The following C9orf78 variants were observed in gnomAD, a reference collection of about 807,000 sequenced individuals.
The protein encoded by C9orf78 is splicing factor C9orf78.
In C9orf78, 19 loss-of-function variants were observed where a neutral mutation model predicts 37.4. The observed-to-expected ratio is 0.51, with a 90% CI of 0.35 to 0.74. The LOEUF (loss-of-function observed/expected upper bound fraction) is 0.74, where lower values mean the gene tolerates loss of function less well. Among genes scored for constraint, C9orf78 ranks in the 30% least tolerant of loss-of-function variants. The pLI is 0.01. For missense variants in C9orf78, 291 were observed against 370.8 expected (o/e 0.78, Z 1.77); for synonymous variants, 130 against 128.0 (o/e 1.02, Z -0.10).
chr9:129,829,652 G>A, intron 6 of C9orf78, 111 bp from the exon 7 acceptor site: 1 of 883,432 alleles, frequency 1.1e-6, no homozygotes, highest in East Asian at 2.4e-5. Context: ...TGTGTCCTGG[G>A]GCACAGCTCT....
chr9:129,834,554 T>C (rs1420108361), intron 2 of C9orf78, 153 bp downstream of exon 2: 1 of 649,722 alleles, frequency 1.5e-6, no homozygotes, highest in African/African-American at 1.8e-5. Flanking sequence ...GTTAAACATT[T>C]GCAAAGAACG....
At chr9:129,835,044 A>G in intron 1 of C9orf78, 95 bp downstream of exon 1, 1 of 1,018,206 alleles carries the variant, frequency 9.8e-7, no homozygotes, top group Non-Finnish European at 1.5e-6. Context: ...ACCCGAGCTC[A>G]CAGTTAACAA....
intron 4 of C9orf78, among the ~76,000 whole-genome samples, chr9:129,832,683 C>G (rs181032687): frequency 6.6e-6 from 1 of 152,338 alleles, no homozygotes; most frequent in African/African-American, 2.4e-5. Flanking sequence ...AGGTAATCCG[C>G]CTGCCTCAGC....
intron 4 of C9orf78, 28 bp from the exon 5 acceptor site, chr9:129,832,001 C>T (rs1438425767): frequency 9.2e-7 from 1 of 1,083,518 alleles, no homozygotes; most frequent in African/African-American, 1.5e-5. Context: ...TGAGGCAGAG[C>T]TTTCAAGTCA....
rs937090158 is a variant in C9orf78 at position 129,835,254 on chromosome 9, C to G, written c.-33G>C. On this transcript the variant is annotated 5_prime_UTR_variant, in exon 1 of 9. Transcript: ENST00000372447. ...ACGGCCGAGTTGTACAGCCGCCGCG[C>G]CTCTGCGCAGCGGCCCAGGCTGCTT... 7.8e-6 allele frequency: 12 copies of G among 1,537,258 alleles called. No homozygotes were observed. The Middle Eastern group carries it at 1.2e-3, about 152-fold the overall frequency.
At chr9:129,834,586 G>A in intron 2 of C9orf78, 121 bp downstream of exon 2, 1 of 708,690 alleles carries the variant, frequency 1.4e-6, no homozygotes, top group Non-Finnish European at 2.5e-6. Context: ...GTTGGGCAGT[G>A]GAAGGTGTAC....
At chr9:129,828,287 A>T in intron 8 of C9orf78, 35 bp from the exon 9 acceptor site, 1 of 1,283,202 alleles carries the variant, frequency 7.8e-7, no homozygotes, top group Middle Eastern at 2.0e-4. Flanking sequence ...GTGGTTTGCC[A>T]TGCTGGAACC....
At position 129,833,502 on chromosome 9, in the gene C9orf78, T is replaced by C. The variant is rs753987349; in HGVS notation, c.211A>G (p.Met71Val). Residue 71 changes from methionine (M) to valine (V), a missense_variant, in exon 4 of 9, where the codon ATG becomes GTG. Coordinates refer to ENST00000372447, the MANE Select transcript of C9orf78 (RefSeq NM_016520.3). ...ATATCCACCATACCACCTGTCTTCA[T>C]CTGAAAGGGATCATCCTGCAGAAAG... is the stretch of plus-strand genomic sequence containing the variant. ...ETTLVDDPFQ[M>V]KTGGMVDMKK... is the part of the protein sequence containing the mutation. 3 of 1,603,620 alleles carry C rather than the reference T, an allele frequency of 1.9e-6. No individual in the cohort carries two copies. The highest frequency in any genetic ancestry group is 1.1e-5 in the South Asian group (1 of 90,860).
At chr9:129,834,503 T>C (rs2031626883) in intron 2 of C9orf78, 2 of 534,080 alleles carry the variant, frequency 3.7e-6, no homozygotes, top group South Asian at 2.6e-5. Context: ...TCTGTATCTC[T>C]GGAGCACACC....
At chr9:129,834,529 T>C in intron 2 of C9orf78, 178 bp downstream of exon 2, 1 of 595,086 alleles carries the variant, frequency 1.7e-6, no homozygotes, top group Non-Finnish European at 3.0e-6. Context: ...ACGACACAGC[T>C]CAGGGCATGT....
At chr9:129,830,574 C>A in intron 6 of C9orf78, 1 of 379,600 alleles carries the variant, frequency 2.6e-6, no homozygotes, top group Non-Finnish European at 5.0e-6. Context: ...AGTGCAGTGG[C>A]ATGATCTCGC....
chr9:129,828,410 TC>T, intron 8 of C9orf78, 158 bp from the exon 9 acceptor site: 1 of 422,552 alleles, frequency 2.4e-6, no homozygotes, highest in Non-Finnish European at 4.0e-6. Flanking sequence ...TACGTATTTG[TC>T]TTTTTTTTTT....
In C9orf78 at chr9:129,834,783, A is replaced by C. The variant is rs41278736; in HGVS notation, c.84-17T>G. Reference sequence around the variant, plus strand: ...AGTTTTAATCTTTAAAAAGAAGAAGAAGCAGCAATGCATAAGCTGAGTGAT... The same window carrying C: ...AGTTTTAATCTTTAAAAAGAAGAAGCAGCAGCAATGCATAAGCTGAGTGAT... On this transcript the variant is annotated splice_polypyrimidine_tract_variant and intron_variant, in intron 1 of 8. Coordinates refer to ENST00000372447, the MANE Select transcript of C9orf78 (RefSeq NM_016520.3). 97,298 of 1,584,338 alleles carry C rather than the reference A, an allele frequency of 0.061. 3,678 individuals carry two copies. Among genetic ancestry groups the C allele is most frequent in the African/African-American group, 0.16 (11,644 of 74,048 alleles).
At chr9:129,831,108 AAC>A in intron 5 of C9orf78, 40 bp from the exon 6 acceptor site, 2 of 1,287,138 alleles carry the variant, frequency 1.6e-6, no homozygotes, top group Non-Finnish European at 2.3e-6. Context: ...AGGGGTGGGA[AAC>A]ACACACCAGG....
Position 129,828,093 on chromosome 9 carries a change from A to C in C9orf78, c.*68T>G. On this transcript the variant is annotated 3_prime_UTR_variant, in exon 9 of 9. Coordinates refer to ENST00000372447, the MANE Select transcript of C9orf78 (RefSeq NM_016520.3). The stretch of plus-strand genomic sequence containing the variant: ...CAGGCAGGAGCCACCACGCCCGGCC[A>C]GGAAGCCATTTTTCATGGGAGGGAT... 1.1e-6 allele frequency: 1 copy of C among 942,674 alleles called. No homozygotes were observed. The highest frequency in any genetic ancestry group is 1.7e-6 in the Non-Finnish European group (1 of 587,388). 58.4% of individuals were successfully genotyped at this position (942,674 alleles called of 1,614,324 possible).
At position 129,835,237 on chromosome 9, in the gene C9orf78, G is replaced by C. The variant is rs536693008; in HGVS notation, c.-16C>G. On this transcript the variant is annotated 5_prime_UTR_variant, in exon 1 of 9. Transcript: ENST00000372447. The stretch of plus-strand genomic sequence containing the variant: ...CGACCGGCATGGTGACAACGGCCGA[G>C]TTGTACAGCCGCCGCGCCTCTGCGC... 504 of 1,592,452 alleles carry C rather than the reference G, an allele frequency of 3.2e-4. 6 individuals are homozygous for C. The South Asian group carries it at 5.3e-3, about 17-fold the overall frequency.
At chr9:129,834,913 C>T in intron 1 of C9orf78, 147 bp from the exon 2 acceptor site, 1 of 708,694 alleles carries the variant, frequency 1.4e-6, no homozygotes, top group Admixed American at 2.4e-5. Context: ...GACCTTGTGC[C>T]TAGACCCACC....
intron 4 of C9orf78, 141 bp from the exon 5 acceptor site, chr9:129,832,114 T>A (rs2031515305): frequency 3.3e-6 from 2 of 604,744 alleles, no homozygotes; most frequent in African/African-American, 1.9e-5. Flanking sequence ...TGCCGTAGTA[T>A]ATGTAAAGAA....
rs373452546 is a variant in C9orf78, at chr9:129,829,284, G to A, written c.699C>T (p.Asn233=). ...CTTCTTTGTTTCTCCGTATGGGCGC[G>A]TTGAGCTCCTCATGATAAACTGGAC... is the stretch of plus-strand genomic sequence containing the variant. ...QHNRFYHEEL[N]APIRRNKEEP... The change falls in exon 8 of 9, where the codon AAC becomes AAT. Residue 233 remains asparagine, a synonymous_variant. Coordinates refer to ENST00000372447, the MANE Select transcript of C9orf78 (RefSeq NM_016520.3). The A allele has an allele frequency of 3.7e-5, 59 of 1,608,908 alleles. No individual in the cohort carries two copies. Among genetic ancestry groups the A allele is most frequent in the Non-Finnish European group, 4.8e-5 (56 of 1,177,592 alleles).
Sources: allele counts gnomAD v4.1 joint callset (sites outside exome capture counted in the v4.1 genomes callset), GRCh38; gene constraint gnomAD v4.1.1; transcripts MANE v1.5; gene names NCBI Gene and HGNC (gene_info 2026-07-23, HGNC 2026-07-21).